Variants in CANX observed in about 807,000 individuals in gnomAD.
CANX encodes the protein epididymis secretory sperm binding protein.
CANX carries 14 observed loss-of-function variants against 75.7 expected under a neutral mutation model. The ratio of observed to expected loss-of-function variants is 0.19; its 90% CI spans 0.12 to 0.29. The LOEUF (loss-of-function observed/expected upper bound fraction) is 0.29. Ranked by LOEUF, CANX falls within the 10% of genes least tolerant of loss-of-function variation. The pLI is 1.00. For missense variants in CANX, 567 were observed against 713.2 expected (o/e 0.79, Z 2.34); for synonymous variants, 227 against 236.9 (o/e 0.96, Z 0.38).
intron 6 of CANX, 95 bp from the exon 7 acceptor site, chr5:179,709,778 G>A (rs1445131564): frequency 2.5e-6 from 2 of 790,666 alleles, no homozygotes; most frequent in Non-Finnish European, 4.0e-6. Context: ...AATATATTTG[G>A]AATTTTATAA....
At chr5:179,700,316 T>G (rs1776654126) in intron 1 of CANX, 1 of 152,234 alleles carries the variant, frequency 6.6e-6, no homozygotes, top group Non-Finnish European at 1.5e-5. Flanking sequence ...TTTGCTTAAT[T>G]TTTTAATAAG....
intron 1 of CANX, among the ~76,000 whole-genome samples, chr5:179,703,205 G>A (rs934572255): frequency 3.3e-5 from 5 of 151,088 alleles, no homozygotes; most frequent in Admixed American, 6.6e-5. Flanking sequence ...GAGCCACCGC[G>A]CCTGGTGGAG....
intron 1 of CANX, among the ~76,000 whole-genome samples, chr5:179,699,983 G>A (rs866133608): frequency 6.6e-6 from 1 of 152,152 alleles, no homozygotes; most frequent in African/African-American, 2.4e-5. Flanking sequence ...GGATTTGTGA[G>A]GATTAAATTA....
In CANX at chr5:179,701,736, C is replaced by CTTTTTTTTTTTTTT. The variant is rs558907168; in HGVS notation, c.-4+2648_-4+2661dup. Among the ~76,000 whole-genome samples, 5 of 44,004 alleles carry CTTTTTTTTTTTTTT rather than the reference C, an allele frequency of 1.1e-4. 2 individuals carry two copies. The highest frequency in any genetic ancestry group is 1.5e-4 in the Non-Finnish European group (4 of 26,428). The allele number at this position is 44,004 out of a possible 152,430, so 28.9% of individuals were successfully genotyped here. A position where few individuals can be genotyped will look rare whatever the true frequency, so the allele number is the denominator to read the frequency against. On this transcript the variant is annotated intron_variant, in intron 1 of 14. Coordinates refer to ENST00000247461, the MANE Select transcript of CANX (RefSeq NM_001746.4). Reference sequence around the variant, plus strand: ...ATTCTTTGTTACTCCAACAGATGTACTTTTTTTTTTTTTTTTTTTTTTTTT... The same window carrying CTTTTTTTTTTTTTT: ...ATTCTTTGTTACTCCAACAGATGTACTTTTTTTTTTTTTTTTTTTTTTTTTTTTTTTTTTTTTTT...
In CANX at chr5:179,716,737, C is replaced by A. The variant is rs373041136; in HGVS notation, c.911+443C>A. 3.0e-4 allele frequency among the ~76,000 whole-genome samples: 46 copies of A among 152,348 alleles called. 1 individual carries two copies. Among genetic ancestry groups the A allele is most frequent in the African/African-American group, 1.1e-3 (45 of 41,590 alleles). Reference sequence around the variant, plus strand: ...ACAAGGACACCACCATCTGCCTACACAGAGCTTGAAGTCCAGTTGTGAGGC... The same window carrying A: ...ACAAGGACACCACCATCTGCCTACAAAGAGCTTGAAGTCCAGTTGTGAGGC... On this transcript the variant is annotated intron_variant, in intron 8 of 14. Transcript: ENST00000247461.
chr5:179,716,778 G>A (rs1197350379), intron 8 of CANX, among the ~76,000 whole-genome samples: 4 of 152,160 alleles, frequency 2.6e-5, no homozygotes, highest in African/African-American at 4.8e-5. Flanking sequence ...GTTGGCATGT[G>A]GTATCGTAAG....
intron 13 of CANX, among the ~76,000 whole-genome samples, chr5:179,726,045 T>C (rs1434335579): frequency 3.3e-5 from 5 of 151,726 alleles, no homozygotes; most frequent in Non-Finnish European, 7.4e-5. Context: ...TCCCAGCACT[T>C]TGGGAGGCCA....
At chr5:179,682,376 A>G (rs868550926) in intron 1 of CANX, among the ~76,000 whole-genome samples, 8 of 152,142 alleles carry the variant, frequency 5.3e-5, no homozygotes, top group Middle Eastern at 3.4e-3. Context: ...GGAGATCGAG[A>G]TCATCCTGGC....
chr5:179,704,426 C>CT (rs1292343601), intron 1 of CANX: 1 of 152,054 alleles, frequency 6.6e-6, no homozygotes, highest in East Asian at 1.9e-4. Flanking sequence ...ACTTGGGAGG[C>CT]TGAGGTAGGA....
chr5:179,684,747 T>A (rs1047351392), intron 1 of CANX, among the ~76,000 whole-genome samples: 1 of 151,772 alleles, frequency 6.6e-6, no homozygotes, highest in Non-Finnish European at 1.5e-5. Context: ...CCTTAATAAA[T>A]TTATTTTACT....
At chr5:179,699,599 A>T (rs2113083307) in intron 1 of CANX, 1 of 152,374 alleles carries the variant, frequency 6.6e-6, no homozygotes, top group East Asian at 1.9e-4. Context: ...TAGTTCCCTG[A>T]AGAGAAAGGG....
chr5:179,680,067 C>T (rs1393279043), intron 1 of CANX, among the ~76,000 whole-genome samples: 1 of 150,456 alleles, frequency 6.6e-6, no homozygotes, highest in African/African-American at 2.4e-5. Context: ...CCCGCCTCAG[C>T]GCCAAAGTGC....
upstream of CANX, chr5:179,698,958 T>A (rs1776527080): frequency 1.8e-6 from 2 of 1,117,308 alleles, no homozygotes; most frequent in African/African-American, 1.7e-5. Flanking sequence ...TGGGGCTCGC[T>A]CGCGCGGCAG....
In CANX at chr5:179,716,182, ACTC is replaced by A; in HGVS notation, c.805_807del (p.Pro269del). ...TAGTGGAAATCTGCTCAATGACATG[ACTC>A]CTCCTGTAAATCCTTCACGTGAAAT... On this transcript the variant is annotated inframe_deletion, in exon 8 of 15. Transcript: ENST00000247461. 6 of 1,612,964 alleles carry A rather than the reference ACTC, an allele frequency of 3.7e-6. No individual in the cohort carries two copies. The highest frequency in any genetic ancestry group is 4.2e-6 in the Non-Finnish European group (5 of 1,179,104).
intron 1 of CANX, chr5:179,678,904 G>T (rs750260749): frequency 5.2e-6 from 8 of 1,534,932 alleles, no homozygotes; most frequent in Middle Eastern, 1.7e-4. Context: ...TCCACCGCCC[G>T]CCGCGGAACA....
intron 7 of CANX, among the ~76,000 whole-genome samples, chr5:179,714,404 A>G (rs1307262203): frequency 2.0e-5 from 3 of 152,264 alleles, no homozygotes; most frequent in Non-Finnish European, 1.5e-5. Flanking sequence ...ACATACACAA[A>G]GAAGTCACTT....
chr5:179,697,670 G>T (rs1371881938), upstream of CANX, among the ~76,000 whole-genome samples: 1 of 152,194 alleles, frequency 6.6e-6, no homozygotes, highest in African/African-American at 2.4e-5. Flanking sequence ...ACTGTGGGAG[G>T]CAGAGGCAGG....
intron 1 of CANX, chr5:179,681,090 C>G (rs535873233): frequency 1.5e-5 from 9 of 603,388 alleles, no homozygotes; most frequent in South Asian, 9.1e-5. Flanking sequence ...CACAATGCCT[C>G]CAGGCCAGGC....
intron 1 of CANX, among the ~76,000 whole-genome samples, chr5:179,705,087 G>T (rs1010447921): frequency 3.3e-5 from 5 of 152,006 alleles, no homozygotes; most frequent in African/African-American, 9.7e-5. Flanking sequence ...CTGGGTTCAA[G>T]CAGTTCTCCT....
Sources: allele counts gnomAD v4.1 joint callset (sites outside exome capture counted in the v4.1 genomes callset), GRCh38; gene constraint gnomAD v4.1.1; transcripts MANE v1.5; gene names NCBI Gene and HGNC (gene_info 2026-07-23, HGNC 2026-07-21).